TEX9: variants seen among roughly 807,000 people sequenced by gnomAD.
The protein encoded by TEX9 is testis-expressed protein 9.
In TEX9, 74 loss-of-function variants were observed where a neutral mutation model predicts 59.6. That is an observed-to-expected ratio of 1.24 (90% CI 1.03 to 1.51). The LOEUF (loss-of-function observed/expected upper bound fraction) is 1.51. TEX9 is among the 40% of genes most tolerant of loss of function. TEX9 has a pLI of 0.00. For missense variants in TEX9, 522 were observed against 447.8 expected (o/e 1.17, Z -1.49); for synonymous variants, 186 against 152.2 (o/e 1.22, Z -1.64).
intron 1 of TEX9, among the ~76,000 whole-genome samples, chr15:56,245,580 CAG>C (rs1385530613): frequency 1.3e-5 from 2 of 152,204 alleles, no homozygotes; most frequent in Non-Finnish European, 2.9e-5. Context: ...GTGCACTAGA[CAG>C]AAGCTTTGAA....
At chr15:56,329,219 T>G (rs1253021596) in intron 1 of TEX9, among the ~76,000 whole-genome samples, 1 of 152,180 alleles carries the variant, frequency 6.6e-6, no homozygotes, top group African/African-American at 2.4e-5. Flanking sequence ...ACCACAACAT[T>G]ACAGGGCTTG....
At chr15:56,251,273 G>A (rs1189344400) in intron 1 of TEX9, among the ~76,000 whole-genome samples, 3 of 152,034 alleles carry the variant, frequency 2.0e-5, no homozygotes, top group African/African-American at 7.2e-5. Context: ...AATTATGCCT[G>A]TAGTGTCATT....
chr15:56,326,529 T>TC (rs1567086759), intron 1 of TEX9, among the ~76,000 whole-genome samples: 1 of 152,182 alleles, frequency 6.6e-6, no homozygotes, highest in Non-Finnish European at 1.5e-5. Context: ...CAGGTAACTA[T>TC]CTTAGTTTGG....
intron 12 of TEX9, among the ~76,000 whole-genome samples, chr15:56,440,832 T>G (rs995965128): frequency 6.6e-6 from 1 of 152,202 alleles, no homozygotes; most frequent in East Asian, 1.9e-4. Flanking sequence ...TTTTAATAGC[T>G]GAATAACATT....
chr15:56,321,018 G>A (rs1475685269), intron 1 of TEX9, among the ~76,000 whole-genome samples: 1 of 152,168 alleles, frequency 6.6e-6, no homozygotes, highest in Non-Finnish European at 1.5e-5. Context: ...TGCCAGAGTT[G>A]TTAACTTCTG....
exon 10 of TEX9, chr15:56,412,383 G>A: frequency 6.2e-7 from 1 of 1,613,190 alleles, no homozygotes; most frequent in Non-Finnish European, 8.5e-7. Context: ...TAGAGCTCTA[G>A]AAGAAGCAGA....
At chr15:56,341,885 T>C (rs1012115736) in intron 1 of TEX9, among the ~76,000 whole-genome samples, 5 of 152,152 alleles carry the variant, frequency 3.3e-5, no homozygotes, top group Non-Finnish European at 5.9e-5. Context: ...TGCTGATGAT[T>C]TTAGAGATAG....
rs557230686 is a variant in TEX9 at position 56,246,896 on chromosome 15, C to T, written c.-107+2618C>T. Among the ~76,000 whole-genome samples, 8 of 152,222 alleles carry T rather than the reference C, an allele frequency of 5.3e-5. No homozygotes were observed. The South Asian group carries it at 8.3e-4, about 16-fold the overall frequency. ...CTATAAAAATGAAAATAATGATGTA[C>T]ATCAGAGGGTTGCTATAAGGAAAAC... On this transcript the variant is annotated intron_variant, in intron 1 of 5. Transcript: ENST00000560827.
At chr15:56,347,733 C>T (rs559442471) in intron 1 of TEX9, among the ~76,000 whole-genome samples, 11 of 152,000 alleles carry the variant, frequency 7.2e-5, no homozygotes, top group Non-Finnish European at 1.0e-4. Context: ...ATAGCAAAAG[C>T]ATGATCTATA....
At chr15:56,431,484 T>C (rs563140231) in intron 12 of TEX9, 4 of 1,613,714 alleles carry the variant, frequency 2.5e-6, no homozygotes, top group African/African-American at 2.7e-5. Context: ...ACTGCCACTC[T>C]TCTAGTTCAC....
intron 9 of TEX9, among the ~76,000 whole-genome samples, chr15:56,405,220 C>T (rs547027326): frequency 3.3e-5 from 5 of 150,470 alleles, no homozygotes; most frequent in South Asian, 2.1e-4. Flanking sequence ...AGGAGAATGG[C>T]GTGGCGTGAA....
At chr15:56,323,091 C>A in intron 1 of TEX9, 1 of 201,672 alleles carries the variant, frequency 5.0e-6, no homozygotes. Flanking sequence ...GACTCTGCCT[C>A]ATTGAGAAAA....
At chr15:56,253,877 A>G (rs1398674538) in intron 1 of TEX9, among the ~76,000 whole-genome samples, 3 of 152,192 alleles carry the variant, frequency 2.0e-5, no homozygotes, top group Non-Finnish European at 4.4e-5. Flanking sequence ...GTTAAAGGCA[A>G]GTGACTTGAG....
At chr15:56,290,109 G>A (rs1389426376) in intron 1 of TEX9, among the ~76,000 whole-genome samples, 4 of 152,176 alleles carry the variant, frequency 2.6e-5, no homozygotes, top group African/African-American at 7.2e-5. Context: ...GTGGGTGCAC[G>A]TGGAGCTGCC....
intron 10 of TEX9, chr15:56,421,608 G>C (rs562196116): frequency 1.3e-5 from 2 of 151,738 alleles, no homozygotes; most frequent in Non-Finnish European, 2.9e-5. Context: ...GCAGCATCTA[G>C]TTGACTTTGC....
chr15:56,372,621 T>G (rs904044150), intron 2 of TEX9, among the ~76,000 whole-genome samples: 2 of 152,196 alleles, frequency 1.3e-5, no homozygotes, highest in Non-Finnish European at 2.9e-5. Flanking sequence ...TTCTAAAGAT[T>G]ACGTGAAGAT....
intron 1 of TEX9, among the ~76,000 whole-genome samples, chr15:56,352,196 GA>G (rs751062741): frequency 6.6e-6 from 1 of 152,136 alleles, no homozygotes; most frequent in Non-Finnish European, 1.5e-5. Context: ...GAGTGGGTTG[GA>G]AAGTGTTGAG....
At chr15:56,426,638 A>T (rs200673699) in intron 10 of TEX9, among the ~76,000 whole-genome samples, 1 of 78,202 alleles carries the variant, frequency 1.3e-5, no homozygotes, top group Admixed American at 1.7e-4. Context: ...CACACACACA[A>T]ACACACACAC....
At chr15:56,302,080 T>G (rs1424725384) in intron 1 of TEX9, among the ~76,000 whole-genome samples, 1 of 152,216 alleles carries the variant, frequency 6.6e-6, no homozygotes, top group African/African-American at 2.4e-5. Context: ...GTTTTCTGTT[T>G]GCTTAATTGT....
Sources: gnomAD v4.1 joint callset for allele counts (sites outside exome capture counted in the v4.1 genomes callset) on GRCh38, gnomAD v4.1.1 for gene constraint, MANE v1.5 for transcripts, NCBI Gene and HGNC (gene_info 2026-07-23, HGNC 2026-07-21) for gene names.